Variants in MED13 observed in about 807,000 individuals in gnomAD.
The protein encoded by MED13 is mediator of RNA polymerase II transcription subunit 13.
MED13 carries 23 observed loss-of-function variants against 225.2 expected under a neutral mutation model. That is an observed-to-expected ratio of 0.10 (90% confidence interval 0.07 to 0.14). The LOEUF (loss-of-function observed/expected upper bound fraction) is 0.14, where lower values mean the gene tolerates loss of function less well. MED13 is among the 10% of genes least tolerant of loss of function. The pLI, the probability that MED13 is intolerant of heterozygous loss-of-function variation, is 1.00. For missense variants in MED13, 2,197 were observed against 2,594.5 expected (o/e 0.85, Z 3.33); for synonymous variants, 942 against 889.2 (o/e 1.06, Z -1.06).
intron 2 of MED13, among the ~76,000 whole-genome samples, chr17:62,062,366 G>T (rs1295298643): frequency 6.6e-6 from 1 of 152,146 alleles, no homozygotes; most frequent in African/African-American, 2.4e-5. Context: ...AAATAAGGAA[G>T]TAATCACATT....
chr17:61,960,347 C>A (rs960300955), intron 23 of MED13, among the ~76,000 whole-genome samples: 3 of 151,994 alleles, frequency 2.0e-5, no homozygotes, highest in African/African-American at 7.3e-5. Flanking sequence ...TGGCTCACTG[C>A]AACCTCCGCC....
chr17:62,050,938 G>C (rs755085339), intron 3 of MED13, among the ~76,000 whole-genome samples: 3 of 152,196 alleles, frequency 2.0e-5, no homozygotes, highest in Non-Finnish European at 4.4e-5. Flanking sequence ...CTGGGAAGCA[G>C]AGGTTGCAGT....
intron 8 of MED13, among the ~76,000 whole-genome samples, chr17:62,013,363 G>T (rs912180461): frequency 6.6e-6 from 1 of 152,056 alleles, no homozygotes; most frequent in Non-Finnish European, 1.5e-5. Context: ...TTAATTCTGG[G>T]AATGTATGGT....
At chr17:61,991,537 T>C (rs2080298769) in intron 11 of MED13, among the ~76,000 whole-genome samples, 2 of 151,798 alleles carry the variant, frequency 1.3e-5, no homozygotes, top group Non-Finnish European at 2.9e-5. Context: ...TGAGACAGAG[T>C]CTCGCTCTGT....
intron 3 of MED13, among the ~76,000 whole-genome samples, chr17:62,043,328 A>C (rs2080871772): frequency 6.6e-6 from 1 of 152,112 alleles, no homozygotes. Flanking sequence ...TGACATCATC[A>C]TTTAAGATTT....
intron 3 of MED13, among the ~76,000 whole-genome samples, chr17:62,048,824 T>C (rs1312416144): frequency 6.6e-6 from 1 of 152,066 alleles, no homozygotes; most frequent in African/African-American, 2.4e-5. Context: ...AAGCCTGCAA[T>C]GTCATAAGCT....
Position 61,951,117 on chromosome 17 carries a change from T to C in MED13, c.6118-119A>G, listed in dbSNP as rs1032251076. ...ATCTTATGACATCGATTTAATAAAATACTGAAGGATATTGAAAAAAAACCA... is the reference window on the plus strand; with the variant it reads ...ATCTTATGACATCGATTTAATAAAACACTGAAGGATATTGAAAAAAAACCA... On this transcript the variant is annotated intron_variant, in intron 27 of 29. Transcript: ENST00000397786. 7.1e-6 allele frequency: 5 copies of C among 699,390 alleles called. No homozygotes were observed. In the African/African-American group the frequency reaches 9.1e-5, roughly 13 times the overall value. 43.3% of individuals were successfully genotyped at this position (699,390 alleles called of 1,614,324 possible).
At position 61,986,956 on chromosome 17, in the gene MED13, A is replaced by G. The variant is rs572927734; in HGVS notation, c.2385+51T>C. On this transcript the variant is annotated intron_variant, in intron 12 of 29. Coordinates refer to ENST00000397786, the MANE Select transcript of MED13 (RefSeq NM_005121.3). The stretch of plus-strand genomic sequence containing the variant: ...ATCACTTCTAAAAAATAAAAAAATA[A>G]TAAAATCAAGGAAAACAAATTATAA... 38 of 1,295,496 alleles carry G rather than the reference A, an allele frequency of 2.9e-5. No individual in the cohort carries two copies. In the African/African-American group the frequency reaches 5.9e-4, roughly 20 times the overall value. The allele number at this position is 1,295,496 out of a possible 1,614,324, so 80.3% of individuals were successfully genotyped here. A position where few individuals can be genotyped will look rare whatever the true frequency, so the allele number is the denominator to read the frequency against.
chr17:62,057,119 T>A (rs980840076), intron 2 of MED13, among the ~76,000 whole-genome samples: 1 of 152,086 alleles, frequency 6.6e-6, no homozygotes. Flanking sequence ...AAAAAATGAA[T>A]CTTCTCCAAT....
At chr17:62,002,489 CAAAAA>C (rs35736875) in intron 9 of MED13, among the ~76,000 whole-genome samples, 5 of 50,634 alleles carry the variant, frequency 9.9e-5, no homozygotes, top group Admixed American at 2.5e-4. Context: ...AACTCCATCT[CAAAAA>C]AAAAAAAAAA....
rs2080254514 is a variant in MED13 at position 61,987,144 on chromosome 17, A to C, written c.2264-16T>G. On this transcript the variant is annotated splice_polypyrimidine_tract_variant and intron_variant, in intron 11 of 29. Coordinates refer to ENST00000397786, the MANE Select transcript of MED13 (RefSeq NM_005121.3). ...CGTGGAGCATCTACAAAAGTCAATC[A>C]GAAAAATAAAATTAAAACTGCTACT... 2 of 1,576,368 alleles carry C rather than the reference A, an allele frequency of 1.3e-6. No individual in the cohort carries two copies. The highest frequency in any genetic ancestry group is 1.7e-6 in the Non-Finnish European group (2 of 1,164,218).
chr17:61,960,860 C>A lies in MED13; in HGVS notation c.5480+7G>T, dbSNP rs2079992401. 1 of 1,566,860 alleles carries A rather than the reference C, an allele frequency of 6.4e-7. No homozygotes were observed. Among genetic ancestry groups the A allele is most frequent in the Non-Finnish European group, 8.8e-7 (1 of 1,140,480 alleles). On this transcript the variant is annotated splice_region_variant and intron_variant, in intron 23 of 29. Coordinates refer to ENST00000397786, the MANE Select transcript of MED13 (RefSeq NM_005121.3). ...ATGATATGATATATTTAGGGAAATA[C>A]AAATACCTATTTGGAACATCGATGT...
Position 61,965,378 on chromosome 17 carries a change from G to A in MED13, c.4472C>T (p.Pro1491Leu). The change falls in exon 20 of 30, where the codon CCT becomes CTT. Residue 1491 changes from proline to leucine, a missense_variant. By Grantham distance (98) the Pro-to-Leu change is moderately conservative. Around this residue, in one of 12 missense-constraint regions of MED13, gnomAD observed 457 missense variants for 442.2 expected, o/e 1.03. Coordinates refer to ENST00000397786, the MANE Select transcript of MED13 (RefSeq NM_005121.3). ...AGCATTTCCAGTATTTGTCATCTGA[G>A]GTGGAGTAATCAAAGACTGACTTGT... is the stretch of plus-strand genomic sequence containing the variant. ...APTSQSLITP[P>L]QMTNTGNANT... is the part of the protein sequence containing the mutation. The A allele has an allele frequency of 6.2e-7, 1 of 1,614,156 alleles. No individual in the cohort carries two copies. The highest frequency in any genetic ancestry group is 8.5e-7 in the Non-Finnish European group (1 of 1,179,982).
chr17:61,990,291 T>TACACACACATATAC (rs932249809), intron 11 of MED13, among the ~76,000 whole-genome samples: 4 of 151,962 alleles, frequency 2.6e-5, no homozygotes, highest in Non-Finnish European at 4.4e-5. Flanking sequence ...TATATATACA[T>TACACACACATATAC]ACACACACAT....
intron 9 of MED13, chr17:62,007,479 A>C (rs2080461072): frequency 6.6e-6 from 1 of 152,218 alleles, no homozygotes; most frequent in South Asian, 2.1e-4. Flanking sequence ...TGGAAGTTTT[A>C]AAAAGAATTT....
intron 17 of MED13, among the ~76,000 whole-genome samples, chr17:61,971,563 AG>A (rs1199898062): frequency 6.6e-6 from 1 of 152,164 alleles, no homozygotes; most frequent in African/African-American, 2.4e-5. Context: ...GGCCTTCAAA[AG>A]TGCTAAGATT....
intron 17 of MED13, among the ~76,000 whole-genome samples, chr17:61,968,579 C>T (rs1205035497): frequency 6.6e-6 from 1 of 152,186 alleles, no homozygotes; most frequent in Non-Finnish European, 1.5e-5. Flanking sequence ...CCCACCTCGG[C>T]CTCCCAAAGT....
At chr17:61,947,126 G>T in intron 28 of MED13, 109 bp from the exon 29 acceptor site, 1 of 669,762 alleles carries the variant, frequency 1.5e-6, no homozygotes, top group Non-Finnish European at 2.6e-6. Flanking sequence ...ATACATTTTA[G>T]TCCTATGTTA....
At chr17:62,059,917 T>A (rs1016659072) in intron 2 of MED13, among the ~76,000 whole-genome samples, 4 of 152,186 alleles carry the variant, frequency 2.6e-5, no homozygotes, top group African/African-American at 9.6e-5. Flanking sequence ...AGGACAAGCT[T>A]TGGAACAATA....
Sources: gnomAD v4.1 joint callset for allele counts (sites outside exome capture counted in the v4.1 genomes callset) on GRCh38, gnomAD v4.1.1 for gene constraint, gnomAD v4.1.1 regional missense constraint, MANE v1.5 for transcripts, NCBI Gene and HGNC (gene_info 2026-07-23, HGNC 2026-07-21) for gene names.